PCLO: variants seen among roughly 807,000 people sequenced by gnomAD.
PCLO encodes the protein protein piccolo.
PCLO carries 82 observed loss-of-function variants against 427.5 expected under a neutral mutation model. The ratio of observed to expected loss-of-function variants is 0.19; its 90% CI spans 0.16 to 0.23. The LOEUF is 0.23. PCLO is among the 10% of genes least tolerant of loss of function. The pLI, the probability that PCLO is intolerant of heterozygous loss-of-function variation, is 1.00. For synonymous variants in PCLO, 2,357 were observed against 2,155.4 expected, an observed-to-expected ratio of 1.09 and a Z score of -2.59; for missense variants, 6,239 against 6,115.9, an observed-to-expected ratio of 1.02 and a Z score of -0.67.
At chr7:82,810,633 C>G (rs987456053) in intron 20 of PCLO, among the ~76,000 whole-genome samples, 18 of 151,710 alleles carry the variant, frequency 1.2e-4, no homozygotes, top group African/African-American at 3.9e-4. Flanking sequence ...GCAATTCAAT[C>G]TGTTTTAAAT....
intron 16 of PCLO, among the ~76,000 whole-genome samples, chr7:82,830,113 T>C (rs1792056209): frequency 6.6e-6 from 1 of 151,912 alleles, no homozygotes; most frequent in South Asian, 2.1e-4. Flanking sequence ...GTGAGTTTTT[T>C]AATGGATAGG....
chr7:83,138,785 C>T (rs1355166505), intron 2 of PCLO, among the ~76,000 whole-genome samples: 1 of 149,628 alleles, frequency 6.7e-6, no homozygotes, highest in Non-Finnish European at 1.5e-5. Context: ...AATGAGAACA[C>T]ATGGACACAG....
chr7:83,064,507 T>C (rs1442189762), intron 3 of PCLO, among the ~76,000 whole-genome samples: 1 of 152,040 alleles, frequency 6.6e-6, no homozygotes, highest in Non-Finnish European at 1.5e-5. Context: ...CCACACATAG[T>C]TGCTGTTAGG....
chr7:82,978,860 AC>A (rs1796085117), intron 3 of PCLO, among the ~76,000 whole-genome samples: 1 of 15,904 alleles, frequency 6.3e-5, no homozygotes, highest in African/African-American at 1.1e-4. Context: ...ACACACAAAC[AC>A]ACACACACAC....
At chr7:83,060,395 C>T (rs1357207854) in intron 3 of PCLO, among the ~76,000 whole-genome samples, 1 of 152,104 alleles carries the variant, frequency 6.6e-6, no homozygotes, top group South Asian at 2.1e-4. Context: ...CCTTGCTGCT[C>T]ATTATTGATT....
intron 3 of PCLO, among the ~76,000 whole-genome samples, chr7:82,990,264 G>T (rs1023588179): frequency 6.6e-6 from 1 of 152,062 alleles, no homozygotes; most frequent in Non-Finnish European, 1.5e-5. Flanking sequence ...ACATTTCTGT[G>T]CCCCCTTTAT....
In PCLO at chr7:82,915,575, C is replaced by G; in HGVS notation, c.12411G>C (p.Glu4137Asp). 6.2e-7 allele frequency: 1 copy of G among 1,613,566 alleles called. No individual in the cohort carries two copies. The highest frequency in any genetic ancestry group is 8.5e-7 in the Non-Finnish European group (1 of 1,179,692). ...QIKQEFRRGTESLDHLAGLSH... is the reference protein window; with the variant it reads ...QIKQEFRRGTDSLDHLAGLSH... Reference sequence around the variant, plus strand: ...AAAGACCAGCAAGGTGATCTAAGCTCTCTGTCCCTCTACGAAATTCCTGTT... The same window carrying G: ...AAAGACCAGCAAGGTGATCTAAGCTGTCTGTCCCTCTACGAAATTCCTGTT... The change falls in exon 7 of 25, where the codon GAG (glutamate) becomes GAC (aspartate). Residue 4137 changes from glutamate (E) to aspartate (D), a missense_variant. Physicochemically the swap from Glu to Asp is conservative, Grantham distance 45. This residue lies in a region of PCLO where 680 missense variants were observed against 677.3 expected (regional missense o/e 1.00). Transcript: ENST00000333891.
intron 3 of PCLO, among the ~76,000 whole-genome samples, chr7:83,023,259 T>C (rs1217525740): frequency 2.0e-5 from 3 of 152,214 alleles, no homozygotes; most frequent in Non-Finnish European, 4.4e-5. Flanking sequence ...ATTGTAGCTG[T>C]ATATAAACAA....
In PCLO at chr7:83,043,265, G is replaced by GA. The variant is rs1395410587; in HGVS notation, c.3301-76779dup. Among the ~76,000 whole-genome samples, 7 of 151,888 alleles carry GA rather than the reference G, an allele frequency of 4.6e-5. No individual in the cohort carries two copies. The South Asian group carries it at 1.0e-3, about 22-fold the overall frequency. On this transcript the variant is annotated intron_variant, in intron 3 of 24. Coordinates refer to ENST00000333891, the MANE Select transcript of PCLO (RefSeq NM_033026.6). ...GCCTTAAGATAGCAATAGAGGTCGA[G>GA]AAAAAACAAAAGAAAAAAAAGTGAA...
At chr7:83,124,989 C>A (rs888345138) in intron 3 of PCLO, among the ~76,000 whole-genome samples, 1 of 152,162 alleles carries the variant, frequency 6.6e-6, no homozygotes, top group Non-Finnish European at 1.5e-5. Context: ...CTCCTGACCT[C>A]GAGTGATCTG....
chr7:82,907,045 A>G (rs73707106), intron 8 of PCLO, among the ~76,000 whole-genome samples: 2,195 of 152,068 alleles, frequency 0.014, 59 homozygotes, highest in African/African-American at 0.05. Context: ...ATAAATCTGT[A>G]TATGTTAGTA....
chr7:82,976,755 A>G (rs182016985), intron 3 of PCLO, among the ~76,000 whole-genome samples: 1 of 152,334 alleles, frequency 6.6e-6, no homozygotes, highest in Non-Finnish European at 1.5e-5. Context: ...TCATCAACAT[A>G]ATTTGTGACA....
intron 3 of PCLO, among the ~76,000 whole-genome samples, chr7:83,015,984 TA>T (rs57001012): frequency 0.71 from 107,627 of 151,688 alleles, 38,527 homozygotes; most frequent in East Asian, 0.86. Context: ...TCTATTTCCT[TA>T]AAAAAAAATG....
At chr7:83,012,808 C>T (rs1487568403) in intron 3 of PCLO, among the ~76,000 whole-genome samples, 1 of 152,030 alleles carries the variant, frequency 6.6e-6, no homozygotes, top group Non-Finnish European at 1.5e-5. Flanking sequence ...AGATCAAAAC[C>T]TCTAGATTAA....
intron 3 of PCLO, among the ~76,000 whole-genome samples, chr7:82,983,176 T>A (rs1464771719): frequency 6.6e-6 from 1 of 151,426 alleles, no homozygotes; most frequent in Non-Finnish European, 1.5e-5. Flanking sequence ...AATTGCCTTT[T>A]ATAAATATAT....
At chr7:83,092,709 A>G (rs1790408752) in intron 3 of PCLO, among the ~76,000 whole-genome samples, 1 of 151,880 alleles carries the variant, frequency 6.6e-6, no homozygotes, top group African/African-American at 2.4e-5. Context: ...CAGCACTTTG[A>G]GAGGCCGAGG....
chr7:82,816,802 T>A (rs184245301), intron 20 of PCLO, among the ~76,000 whole-genome samples: 1 of 152,102 alleles, frequency 6.6e-6, no homozygotes, highest in Non-Finnish European at 1.5e-5. Flanking sequence ...CAGACCAAAG[T>A]ATGCAGATGG....
rs1795328567 is a variant in PCLO at position 82,950,950 on chromosome 7, T to G, written c.9638A>C (p.Gln3213Pro). ...CAGGAGCTCACGCTCCAAGTCTAGC[T>G]GCTGCTGTTGTTTATCTTCTTCAGG... is the stretch of plus-strand genomic sequence containing the variant. ...IVPEEDKQQQQLDLERELLEL... is the reference protein window; with the variant it reads ...IVPEEDKQQQPLDLERELLEL... The change falls in exon 6 of 25, where the codon CAG (glutamine) becomes CCG (proline). Residue 3213 changes from glutamine (Q) to proline (P), a missense_variant. Physicochemically the swap from Gln to Pro is moderately conservative, Grantham distance 76. Coordinates refer to ENST00000333891, the MANE Select transcript of PCLO (RefSeq NM_033026.6). 1 of 1,613,410 alleles carries G rather than the reference T, an allele frequency of 6.2e-7. No homozygotes were observed. Among genetic ancestry groups the G allele is most frequent in the African/African-American group, 1.3e-5 (1 of 74,926 alleles).
chr7:82,968,731 G>A (rs1001627866), intron 3 of PCLO, among the ~76,000 whole-genome samples: 1 of 151,904 alleles, frequency 6.6e-6, no homozygotes, highest in South Asian at 2.1e-4. Context: ...TGTTACCTAG[G>A]ATTGGTCTAG....
Sources: gnomAD v4.1 joint callset for allele counts (sites outside exome capture counted in the v4.1 genomes callset) on GRCh38, gnomAD v4.1.1 for gene constraint, gnomAD v4.1.1 regional missense constraint, MANE v1.5 for transcripts, NCBI Gene and HGNC (gene_info 2026-07-23, HGNC 2026-07-21) for gene names.